The following LTF variants were observed in gnomAD, a reference collection of about 807,000 sequenced individuals.
LTF encodes lactotransferrin, also known as epididymis luminal protein 110.
LTF carries 91 observed loss-of-function variants against 87.2 expected under a neutral mutation model. The ratio of observed to expected loss-of-function variants is 1.04; its 90% CI spans 0.88 to 1.24. The LOEUF is 1.24. LTF is among the 50% of genes most tolerant of loss of function. The pLI is 0.00. For synonymous variants in LTF, 378 were observed against 356.1 expected (o/e 1.06, Z -0.69); for missense variants, 901 against 904.3 (o/e 1.00, Z 0.05).
At chr3:46,462,059 G>A (rs1177404366) in intron 1 of LTF, among the ~76,000 whole-genome samples, 4 of 152,098 alleles carry the variant, frequency 2.6e-5, no homozygotes, top group Non-Finnish European at 5.9e-5. Flanking sequence ...CCCTCATCCC[G>A]GGGAAATCCC....
chr3:46,460,857 A>G (rs1345873221), intron 1 of LTF, among the ~76,000 whole-genome samples: 1 of 152,264 alleles, frequency 6.6e-6, no homozygotes, highest in African/African-American at 2.4e-5. Context: ...ATAAACAAGT[A>G]CAGCCAGGCC....
chr3:46,435,993 A>T lies in LTF; in HGVS notation c.*202T>A. 1.7e-6 allele frequency: 1 copy of T among 593,754 alleles called. No homozygotes were observed. The highest frequency in any genetic ancestry group is 2.0e-5 in the South Asian group (1 of 49,716). The allele number at this position is 593,754 out of a possible 1,614,324, so 36.8% of individuals were successfully genotyped here. On this transcript the variant is annotated 3_prime_UTR_variant, in exon 17 of 17. Coordinates refer to ENST00000231751, the MANE Select transcript of LTF (RefSeq NM_002343.6). ...TCAGTATAAAATTCTAGAAAAGATG[A>T]GTGACACTTTATAAGGAGAGAATAT...
At chr3:46,479,731 G>T (rs1164257916) in intron 1 of LTF, among the ~76,000 whole-genome samples, 1 of 152,014 alleles carries the variant, frequency 6.6e-6, no homozygotes, top group Non-Finnish European at 1.5e-5. Context: ...ACCATGGCTG[G>T]TTTCTAGGCT....
chr3:46,435,964 G>A lies in LTF; in HGVS notation c.*231C>T. ...TGTACAGGTATTTTGTCAGGCATGT[G>A]ATTTCAGTATAAAATTCTAGAAAAG... On this transcript the variant is annotated 3_prime_UTR_variant, in exon 17 of 17. Coordinates refer to ENST00000231751, the MANE Select transcript of LTF (RefSeq NM_002343.6). 1 of 568,084 alleles carries A rather than the reference G, an allele frequency of 1.8e-6. No homozygotes were observed. The highest frequency in any genetic ancestry group is 2.1e-5 in the South Asian group (1 of 48,176). 35.2% of individuals were successfully genotyped at this position (568,084 alleles called of 1,614,324 possible).
chr3:46,443,409 C>A (rs1162229289), intron 13 of LTF, 32 bp downstream of exon 13: 1 of 1,613,052 alleles, frequency 6.2e-7, no homozygotes, highest in Non-Finnish European at 8.5e-7. Context: ...GAGGTAAGTC[C>A]CCATCCTGAT....
chr3:46,460,833 T>G (rs7636457), intron 1 of LTF, among the ~76,000 whole-genome samples: 133 of 152,298 alleles, frequency 8.7e-4, no homozygotes, highest in African/African-American at 3.1e-3. Context: ...ATCTACAAAG[T>G]ACTATTAGAA....
At chr3:46,483,059 G>A (rs1248895777) in intron 1 of LTF, among the ~76,000 whole-genome samples, 1 of 152,188 alleles carries the variant, frequency 6.6e-6, no homozygotes, top group African/African-American at 2.4e-5. Context: ...ACATGGATGG[G>A]TGCCACTGAA....
intron 16 of LTF, 89 bp from the exon 17 acceptor site, chr3:46,436,318 G>C: frequency 8.4e-7 from 1 of 1,196,660 alleles, no homozygotes; most frequent in Non-Finnish European, 1.2e-6. Flanking sequence ...AGAATACTAA[G>C]AGTTTTCTCT....
At chr3:46,461,245 C>A (rs1457480190) in intron 1 of LTF, among the ~76,000 whole-genome samples, 1 of 152,232 alleles carries the variant, frequency 6.6e-6, no homozygotes, top group Non-Finnish European at 1.5e-5. Context: ...AGGTTGGCAG[C>A]TTCTCAAAAT....
chr3:46,443,616 A>T (rs1380963546), intron 12 of LTF, 34 bp from the exon 13 acceptor site: 2 of 1,612,500 alleles, frequency 1.2e-6, no homozygotes, highest in Non-Finnish European at 1.7e-6. Context: ...TCAGCTCTTC[A>T]AACCTGAGTC....
chr3:46,462,589 G>A (rs1324660176), intron 1 of LTF, among the ~76,000 whole-genome samples: 1 of 152,184 alleles, frequency 6.6e-6, no homozygotes, highest in African/African-American at 2.4e-5. Context: ...GGCTAGAAAA[G>A]GGTCTGGGTC....
chr3:46,464,290 C>T (rs746171467), intron 1 of LTF, among the ~76,000 whole-genome samples: 19 of 152,204 alleles, frequency 1.2e-4, no homozygotes, highest in Non-Finnish European at 2.4e-4. Context: ...GAGCACCGCA[C>T]CCCTCCACAA....
At chr3:46,445,155 T>C (rs776471707) in intron 12 of LTF, 126 bp downstream of exon 12, 4 of 996,594 alleles carry the variant, frequency 4.0e-6, no homozygotes, top group Non-Finnish European at 5.8e-6. Flanking sequence ...AATTTCCTTA[T>C]GCTGGAAGAG....
chr3:46,443,270 G>C (rs767040641), intron 13 of LTF, among the ~76,000 whole-genome samples, 171 bp downstream of exon 13: 1 of 152,198 alleles, frequency 6.6e-6, no homozygotes, highest in Non-Finnish European at 1.5e-5. Context: ...CCACTCTCTG[G>C]GGCGGTGGGT....
intron 1 of LTF, among the ~76,000 whole-genome samples, chr3:46,463,041 G>A (rs11130091): frequency 4.0e-5 from 6 of 151,752 alleles, no homozygotes; most frequent in Admixed American, 1.3e-4. Flanking sequence ...AAGTCTCCAC[G>A]CTCTTACCTC....
chr3:46,482,629 A>AAAGAAAG (rs1703455797), intron 1 of LTF, among the ~76,000 whole-genome samples: 2 of 75,332 alleles, frequency 2.7e-5, no homozygotes, highest in South Asian at 5.8e-4. Flanking sequence ...AGAAAGAAAG[A>AAAGAAAG]AAGAAAGAAA....
At chr3:46,467,810 C>A (rs151197656), upstream of LTF, among the ~76,000 whole-genome samples, 1 of 152,106 alleles carries the variant, frequency 6.6e-6, no homozygotes, top group South Asian at 2.1e-4. Context: ...ACCATTGCAC[C>A]CAGCCATGGC....
Position 46,446,434 on chromosome 3 carries a change from A to G in LTF, c.1357+6T>C, listed in dbSNP as rs1702655469. ...TTGACCCTGAAAGTGGCTAATGCCA[A>G]CTCACCTTCCACAGGTCTATCCACA... On this transcript the variant is annotated splice_donor_region_variant and intron_variant, in intron 11 of 16. Transcript: ENST00000231751. 2 of 1,612,000 alleles carry G rather than the reference A, an allele frequency of 1.2e-6. No individual in the cohort carries two copies. The highest frequency in any genetic ancestry group is 1.3e-5 in the African/African-American group (1 of 74,816).
rs2106881251 is a variant in LTF, at chr3:46,455,954, A to G, written c.341T>C (p.Val114Ala). Reference sequence around the variant, plus strand: ...GCTGCCGCCCTTCTTCACCACAGCCACGGCATAATAGTGAGTTCGTGGCTC... The same window carrying G: ...GCTGCCGCCCTTCTTCACCACAGCCGCGGCATAATAGTGAGTTCGTGGCTC... ...ERQPRTHYYAVAVVKKGGSFQ... is the reference protein window; with the variant it reads ...ERQPRTHYYAAAVVKKGGSFQ... Residue 114 changes from valine (V) to alanine (A), a missense_variant, in exon 4 of 17, where the codon GTG (valine) becomes GCG (alanine). Transcript: ENST00000231751. The G allele has an allele frequency of 6.2e-7, 1 of 1,604,950 alleles. No individual in the cohort carries two copies. Among genetic ancestry groups the G allele is most frequent in the Non-Finnish European group, 8.5e-7 (1 of 1,175,700 alleles).
Sources: allele counts gnomAD v4.1 joint callset (sites outside exome capture counted in the v4.1 genomes callset), GRCh38; gene constraint gnomAD v4.1.1; transcripts MANE v1.5; gene names NCBI Gene and HGNC (gene_info 2026-07-23, HGNC 2026-07-21).